FHIT: variants seen among roughly 807,000 people sequenced by gnomAD.
FHIT encodes fragile histidine triad diadenosine triphosphatase, also known as bis(5'-adenosyl)-triphosphatase.
FHIT carries 19 observed loss-of-function variants against 17.9 expected under a neutral mutation model. That is an observed-to-expected ratio of 1.06 (90% CI 0.74 to 1.56). The LOEUF (loss-of-function observed/expected upper bound fraction) is 1.56, where lower values mean the gene tolerates loss of function less well. Ranked by LOEUF, FHIT falls within the 40% of genes most tolerant of loss-of-function variation. The pLI, the probability that FHIT is intolerant of heterozygous loss-of-function variation, is 0.00. For synonymous variants in FHIT, 81 were observed against 69.7 expected (o/e 1.16, Z -0.81); for missense variants, 248 against 189.2 (o/e 1.31, Z -1.82).
intron 3 of FHIT, among the ~76,000 whole-genome samples, chr3:60,954,450 A>G (rs1472185850): frequency 1.3e-5 from 2 of 152,146 alleles, no homozygotes; most frequent in Non-Finnish European, 2.9e-5. Flanking sequence ...AAGCTTTGCT[A>G]CTCTAGTTAT....
intron 5 of FHIT, among the ~76,000 whole-genome samples, chr3:60,374,146 G>A (rs1576558106): frequency 6.6e-6 from 1 of 152,156 alleles, no homozygotes; most frequent in Non-Finnish European, 1.5e-5. Context: ...TAAAACAGAA[G>A]AATTAAGCCA....
At chr3:60,837,237 G>A (rs1702570292) in intron 3 of FHIT, among the ~76,000 whole-genome samples, 1 of 152,148 alleles carries the variant, frequency 6.6e-6, no homozygotes, top group Non-Finnish European at 1.5e-5. Context: ...TTTCTAGGCT[G>A]AGGAAAAGGC....
chr3:61,162,669 T>C (rs2037730730), intron 2 of FHIT, among the ~76,000 whole-genome samples: 2 of 152,332 alleles, frequency 1.3e-5, no homozygotes, highest in South Asian at 4.1e-4. Context: ...CCAATTACCA[T>C]ATTATCAGAT....
At chr3:60,653,672 A>G in intron 4 of FHIT, among the ~76,000 whole-genome samples, 1 of 152,174 alleles carries the variant, frequency 6.6e-6, no homozygotes, top group East Asian at 1.9e-4. Context: ...AAAAGTAAAA[A>G]AAAAAAGAAG....
At chr3:61,151,319 G>T (rs1174187241) in intron 2 of FHIT, among the ~76,000 whole-genome samples, 1 of 152,192 alleles carries the variant, frequency 6.6e-6, no homozygotes, top group East Asian at 1.9e-4. Flanking sequence ...GAATGACTCT[G>T]CAGCTACCCT....
chr3:61,215,355 T>G (rs571564609), intron 1 of FHIT, among the ~76,000 whole-genome samples: 3 of 152,174 alleles, frequency 2.0e-5, no homozygotes, highest in Non-Finnish European at 2.9e-5. Context: ...CAAGCATTCT[T>G]ATACACCAAT....
rs1002043286 is a variant in FHIT at position 60,536,998 on chromosome 3, G to A, written c.-17-19C>T. On this transcript the variant is annotated intron_variant, in intron 4 of 9. Transcript: ENST00000492590. ...TTGAAGTCTAAAAGAAAAGACAATG[G>A]ATAGTTATAAAATTCAATTAAGAAA... 6.3e-7 allele frequency: 1 copy of A among 1,582,484 alleles called. No individual in the cohort carries two copies. Among genetic ancestry groups the A allele is most frequent in the Non-Finnish European group, 8.6e-7 (1 of 1,168,326 alleles).
intron 5 of FHIT, among the ~76,000 whole-genome samples, chr3:60,240,309 G>C (rs1030716277): frequency 6.6e-6 from 1 of 152,156 alleles, no homozygotes; most frequent in African/African-American, 2.4e-5. Flanking sequence ...TTCTGTTCCT[G>C]ATACCTATTA....
chr3:60,029,185 T>C (rs568404202), intron 5 of FHIT, among the ~76,000 whole-genome samples: 1 of 152,236 alleles, frequency 6.6e-6, no homozygotes, highest in Admixed American at 6.5e-5. Flanking sequence ...TAGAGGGTTT[T>C]TAATGATTAG....
chr3:61,115,675 T>A (rs1050047211), intron 2 of FHIT, among the ~76,000 whole-genome samples: 7 of 152,138 alleles, frequency 4.6e-5, no homozygotes, highest in African/African-American at 1.7e-4. Context: ...ATTTATTAAT[T>A]TTATTCTTAA....
At chr3:60,378,359 G>A (rs907702155) in intron 5 of FHIT, among the ~76,000 whole-genome samples, 1 of 152,194 alleles carries the variant, frequency 6.6e-6, no homozygotes, top group Admixed American at 6.5e-5. Context: ...GCCAACAATT[G>A]TAACGTTTGC....
chr3:59,937,626 C>T (rs903053681), intron 7 of FHIT, among the ~76,000 whole-genome samples: 2 of 152,164 alleles, frequency 1.3e-5, no homozygotes, highest in Non-Finnish European at 2.9e-5. Flanking sequence ...CTTCTCCCAC[C>T]ATTTTATGAT....
chr3:60,298,805 T>C (rs1280980537), intron 5 of FHIT, among the ~76,000 whole-genome samples: 2 of 152,124 alleles, frequency 1.3e-5, no homozygotes, highest in Non-Finnish European at 2.9e-5. Flanking sequence ...CTGTTAGAGC[T>C]TTAAATCATT....
At chr3:60,646,747 G>A (rs1273513430) in intron 4 of FHIT, among the ~76,000 whole-genome samples, 13 of 152,140 alleles carry the variant, frequency 8.5e-5, no homozygotes, top group Non-Finnish European at 1.9e-4. Flanking sequence ...CACAGTGACT[G>A]GTTAAGGGTA....
At chr3:60,702,743 CA>C (rs1553702516) in intron 4 of FHIT, among the ~76,000 whole-genome samples, 21 of 152,194 alleles carry the variant, frequency 1.4e-4, no homozygotes, top group Non-Finnish European at 1.5e-5. Flanking sequence ...ACCCATAACA[CA>C]GTGCTAAGTA....
chr3:60,407,517 T>C (rs1459403378), intron 5 of FHIT, among the ~76,000 whole-genome samples: 1 of 152,158 alleles, frequency 6.6e-6, no homozygotes, highest in East Asian at 1.9e-4. Flanking sequence ...ATGTACATAC[T>C]ATATTTTTTA....
At chr3:60,818,864 G>A (rs1313702755) in intron 4 of FHIT, among the ~76,000 whole-genome samples, 1 of 151,994 alleles carries the variant, frequency 6.6e-6, no homozygotes. Flanking sequence ...ATGGCCACCC[G>A]AAATGACATT....
At chr3:60,142,484 ATTT>A (rs111979421) in intron 5 of FHIT, among the ~76,000 whole-genome samples, 1 of 151,892 alleles carries the variant, frequency 6.6e-6, no homozygotes, top group Non-Finnish European at 1.5e-5. Context: ...CAGGCTATTT[ATTT>A]TTTAATTTTT....
chr3:61,049,107 G>A (rs11711479), intron 2 of FHIT, among the ~76,000 whole-genome samples: 3 of 151,406 alleles, frequency 2.0e-5, no homozygotes, highest in Non-Finnish European at 4.4e-5. Context: ...CACATGTACC[G>A]TAGAACTTAA....
Sources: allele counts gnomAD v4.1 joint callset (sites outside exome capture counted in the v4.1 genomes callset), GRCh38; gene constraint gnomAD v4.1.1; transcripts MANE v1.5; gene names NCBI Gene and HGNC (gene_info 2026-07-23, HGNC 2026-07-21).